The following CYP2D6 variants were observed in gnomAD, a reference collection of about 807,000 sequenced individuals.
The protein encoded by CYP2D6 is cytochrome P450 2D6.
A neutral mutation model predicts 43.5 loss-of-function variants in CYP2D6; 51 were observed. The observed-to-expected ratio is 1.17, with a 90% CI of 0.94 to 1.48. The LOEUF (loss-of-function observed/expected upper bound fraction) is 1.48, where lower values mean the gene tolerates loss of function less well. Ranked by LOEUF, CYP2D6 falls within the 40% of genes most tolerant of loss-of-function variation. The pLI, the probability that CYP2D6 is intolerant of heterozygous loss-of-function variation, is 0.00. For missense variants in CYP2D6, 698 were observed against 688.0 expected, an observed-to-expected ratio of 1.01 and a Z score of -0.16; for synonymous variants, 346 against 297.1, an observed-to-expected ratio of 1.16 and a Z score of -1.69.
At chr22:42,129,540 G>GC (rs1424870154) in intron 2 of CYP2D6, among the ~76,000 whole-genome samples, 198 bp downstream of exon 2, 2 of 151,504 alleles carry the variant, frequency 1.3e-5, no homozygotes, top group African/African-American at 4.9e-5. Flanking sequence ...CTCGGCAGTG[G>GC]CCCCGCCCAC....
rs2146930112 is a variant in CYP2D6, at chr22:42,127,166, C to T, written c.1174-174G>A. 1.3e-5 allele frequency among the ~76,000 whole-genome samples: 2 copies of T among 151,196 alleles called. 1 individual carries two copies. Among genetic ancestry groups the T allele is most frequent in the South Asian group, 4.2e-4 (2 of 4,770 alleles). On this transcript the variant is annotated intron_variant, in intron 7 of 8. Transcript: ENST00000645361. Reference sequence around the variant, plus strand: ...CCGACCCCACAGCAGGGCGCAGTCACACCTCTCAGAGGCACCCACACTGCC... The same window carrying T: ...CCGACCCCACAGCAGGGCGCAGTCATACCTCTCAGAGGCACCCACACTGCC...
rs267608292 is a variant in CYP2D6 at position 42,127,300 on chromosome 22, C to T, written c.1173+147G>A. 1.7e-4 allele frequency: 195 copies of T among 1,159,840 alleles called. 8 individuals are homozygous for T. In the African/African-American group the frequency reaches 2.9e-3, roughly 17 times the overall value. The allele number at this position is 1,159,840 out of a possible 1,614,324, so 71.8% of individuals were successfully genotyped here. The stretch of plus-strand genomic sequence containing the variant: ...AGGCCAGCCCTGCCTATACTCTGGA[C>T]CCCCCACCCAAGTGGGGACAGTCAG... On this transcript the variant is annotated intron_variant, in intron 7 of 8. Coordinates refer to ENST00000645361, the MANE Select transcript of CYP2D6 (RefSeq NM_000106.6).
chr22:42,127,820 ACTGTTTC>A lies in CYP2D6; in HGVS notation c.985+15_985+21del. 6.2e-7 allele frequency: 1 copy of A among 1,609,888 alleles called. No individual in the cohort carries two copies. Among genetic ancestry groups the A allele is most frequent in the African/African-American group, 1.3e-5 (1 of 74,324 alleles). ...GTACCCTTCCTCCCTCGGCCCCTGC[ACTGTTTC>A]CCAGATGGGCTCACGCTGCACATCC... On this transcript the variant is annotated intron_variant, in intron 6 of 8. Coordinates refer to ENST00000645361, the MANE Select transcript of CYP2D6 (RefSeq NM_000106.6).
intron 5 of CYP2D6, 42 bp downstream of exon 5, chr22:42,128,132 C>A (rs1470245509): frequency 6.3e-7 from 1 of 1,584,424 alleles, no homozygotes; most frequent in East Asian, 2.3e-5. Context: ...CTGGGACGCT[C>A]AACCCACCAC....
At position 42,127,608 on chromosome 22, in the gene CYP2D6, C is replaced by T. The variant is rs59421388; in HGVS notation, c.1012G>A (p.Val338Met). 4.7e-3 allele frequency: 7,560 copies of T among 1,611,318 alleles called. 366 individuals carry two copies. The African/African-American group carries it at 0.088, about 19-fold the overall frequency. The change falls in exon 7 of 9, where the codon GTG becomes ATG. Residue 338 changes from valine to methionine, a missense_variant. Around this residue, in one of 5 missense-constraint regions of CYP2D6, gnomAD observed 588 missense variants for 521.1 expected, o/e 1.13. Coordinates refer to ENST00000645361, the MANE Select transcript of CYP2D6 (RefSeq NM_000106.6). ...TCTGGTCGCCGCACCTGCCCTATCA[C>T]GTCGTCGATCTCCTGTTGGACACGG... ...QRRVQQEIDD[V>M]IGQVRRPEMG... is the part of the protein sequence containing the mutation.
chr22:42,129,895 G>A lies in CYP2D6; in HGVS notation c.195C>T (p.Phe65=), dbSNP rs750281572. ...PYCFDQLRRR[F]GDVFSLQLAW... ...CCAGCTGCAGGCTGAACACGTCCCC[G>A]AAGCGGCGCCGCAACTGCAGAGGGA... Residue 65 remains phenylalanine (F), a synonymous_variant, in exon 2 of 9, where the codon TTC becomes TTT. Coordinates refer to ENST00000645361, the MANE Select transcript of CYP2D6 (RefSeq NM_000106.6). The A allele has an allele frequency of 7.0e-6, 11 of 1,575,062 alleles. No homozygotes were observed. The highest frequency in any genetic ancestry group is 3.6e-5 in the Admixed American group (2 of 55,866).
Position 42,129,051 on chromosome 22 carries a change from C to T in CYP2D6, c.487G>A (p.Ala163Thr), listed in dbSNP as rs773593134. 9.3e-6 allele frequency: 15 copies of T among 1,607,346 alleles called. 1 individual carries two copies. The highest frequency in any genetic ancestry group is 1.7e-4 in the Middle Eastern group (1 of 6,002). Residue 163 changes from alanine to threonine, a missense_variant, in exon 3 of 9, where the codon GCC becomes ACC. Coordinates refer to ENST00000645361, the MANE Select transcript of CYP2D6 (RefSeq NM_000106.6). The stretch of plus-strand genomic sequence containing the variant: ...CACCCACCGGAGTGGTTGGCGAAGG[C>T]GGCACAAAGGCAGGCGGCCTCCTCG... ...VTEEAACLCA[A>T]FANHSGRPFR...
rs377220693 is a variant in CYP2D6 at position 42,128,148 on chromosome 22, C to T, written c.843+26G>A. 8.7e-5 allele frequency: 138 copies of T among 1,591,784 alleles called. 4 individuals carry two copies. The African/African-American group carries it at 1.7e-3, about 19-fold the overall frequency. ...TGGGACGCTCAACCCACCACCCTTG[C>T]CCCCCACCGTGGCAGCCACTCTCAC... On this transcript the variant is annotated intron_variant, in intron 5 of 8. Transcript: ENST00000645361.
In CYP2D6 at chr22:42,126,628, GAC is replaced by G. The variant is rs1234018474; in HGVS notation, c.1438_1439del (p.Val480LeufsTer11). ...TGQPRPSHHG[V>X]FAFLVSPSPY... is the part of the protein sequence containing the mutation. Reference sequence around the variant, plus strand: ...GGGATGGGCTCACCAGGAAAGCAAAGACACCATGGTGGCTGGGCCGGGGCTGT... The same window carrying G: ...GGGATGGGCTCACCAGGAAAGCAAAGACCATGGTGGCTGGGCCGGGGCTGT... On this transcript the variant is annotated frameshift_variant, in exon 9 of 9. Coordinates refer to ENST00000645361, the MANE Select transcript of CYP2D6 (RefSeq NM_000106.6). LOFTEE classifies it low-confidence loss of function (END_TRUNC). The G allele has an allele frequency of 6.2e-7, 1 of 1,609,046 alleles. No individual in the cohort carries two copies. Among genetic ancestry groups the G allele is most frequent in the African/African-American group, 1.3e-5 (1 of 74,086 alleles).
chr22:42,128,716 C>G, intron 4 of CYP2D6, 68 bp downstream of exon 4: 1 of 1,537,532 alleles, frequency 6.5e-7, no homozygotes, highest in Non-Finnish European at 8.9e-7. Context: ...TCTTCCGAGG[C>G]CCCAGTCCAG....
Position 42,127,655 on chromosome 22 carries a change from A to C in CYP2D6, c.986-21T>G, listed in dbSNP as rs1327496523. On this transcript the variant is annotated intron_variant, in intron 6 of 8. Coordinates refer to ENST00000645361, the MANE Select transcript of CYP2D6 (RefSeq NM_000106.6). ...ACGGCCTGGACAGACATGCGTCCCCACAATGGGTCAGCACCCAGGGGGTCC... is the reference window on the plus strand; with the variant it reads ...ACGGCCTGGACAGACATGCGTCCCCCCAATGGGTCAGCACCCAGGGGGTCC... 1.9e-6 allele frequency: 3 copies of C among 1,608,618 alleles called. 1 individual carries two copies. The highest frequency in any genetic ancestry group is 1.1e-5 in the South Asian group (1 of 90,806).
At chr22:42,128,421 G>C in intron 4 of CYP2D6, 71 bp from the exon 5 acceptor site, 2 of 1,555,368 alleles carry the variant, frequency 1.3e-6, no homozygotes, top group African/African-American at 1.4e-5. Flanking sequence ...TCAGGCCCCA[G>C]CCATCTCCAG....
Position 42,128,881 on chromosome 22 carries a change from G to A in CYP2D6, c.569C>T (p.Thr190Ile), listed in dbSNP as rs769576546. Residue 190 changes from threonine to isoleucine, a missense_variant, in exon 4 of 9, where the codon ACC becomes ATC. By Grantham distance (89) the Thr-to-Ile change is moderately conservative. Around this residue, in one of 5 missense-constraint regions of CYP2D6, gnomAD observed 588 missense variants for 521.1 expected, o/e 1.13. Coordinates refer to ENST00000645361, the MANE Select transcript of CYP2D6 (RefSeq NM_000106.6). ...GTCGTACTCGAAGCGGCGCCCGCAG[G>A]TGAGGGAGGCGATCACGTTGCTCAC... ...KAVSNVIASL[T>I]CGRRFEYDDP... 2.5e-6 allele frequency: 4 copies of A among 1,599,448 alleles called. No homozygotes were observed. The highest frequency in any genetic ancestry group is 1.1e-5 in the South Asian group (1 of 88,916).
chr22:42,128,147 G>T, intron 5 of CYP2D6, 27 bp downstream of exon 5: 1 of 1,590,688 alleles, frequency 6.3e-7, no homozygotes, highest in South Asian at 1.1e-5. Context: ...CACCACCCTT[G>T]CCCCCCACCG....
chr22:42,127,311 A>G (rs1263662102), intron 7 of CYP2D6, 136 bp downstream of exon 7: 2 of 1,201,408 alleles, frequency 1.7e-6, no homozygotes, highest in Admixed American at 2.0e-5. Context: ...CCCCCACCCA[A>G]GTGGGGACAG....
rs758618555 is a variant in CYP2D6 at position 42,128,819 on chromosome 22, C to T, written c.631G>A (p.Glu211Lys). The change falls in exon 4 of 9, where the codon GAG becomes AAG. Residue 211 changes from glutamate to lysine, a missense_variant. Around this residue, in one of 5 missense-constraint regions of CYP2D6, gnomAD observed 588 missense variants for 521.1 expected, o/e 1.13. Coordinates refer to ENST00000645361, the MANE Select transcript of CYP2D6 (RefSeq NM_000106.6). ...AAGCCCGACTCCTCCTTCAGTCCCTCCTGAGCTAGGTCCAGCAGCCTGAGG... is the reference window on the plus strand; with the variant it reads ...AAGCCCGACTCCTCCTTCAGTCCCTTCTGAGCTAGGTCCAGCAGCCTGAGG... ...RFLRLLDLAQ[E>K]GLKEESGFLR... The T allele has an allele frequency of 4.4e-6, 7 of 1,606,162 alleles. No individual in the cohort carries two copies. The highest frequency in any genetic ancestry group is 1.1e-5 in the South Asian group (1 of 90,254).
rs745756780 is a variant in CYP2D6 at position 42,129,211 on chromosome 22, G to A, written c.353-26C>T. The stretch of plus-strand genomic sequence containing the variant: ...CTGGGGGTGGGACGGGCACGTGCGC[G>A]TGGCCATGAAGGCATTAGCCCCACC... On this transcript the variant is annotated intron_variant, in intron 2 of 8. Coordinates refer to ENST00000645361, the MANE Select transcript of CYP2D6 (RefSeq NM_000106.6). The A allele has an allele frequency of 1.6e-5, 25 of 1,597,596 alleles. 1 individual carries two copies. The highest frequency in any genetic ancestry group is 1.4e-5 in the Non-Finnish European group (17 of 1,177,018).
rs748572154 is a variant in CYP2D6, at chr22:42,127,916, G to A, written c.911C>T (p.Ser304Phe). The A allele has an allele frequency of 2.5e-5, 41 of 1,610,280 alleles. 1 individual carries two copies. The East Asian group carries it at 2.7e-4, about 11-fold the overall frequency. ...NLRIVVADLF[S>F]AGMVTTSTTL... ...GGTCGAGGTGGTCACCATCCCGGCA[G>A]AGAACAGGTCAGCCACCACTATGCG... Residue 304 changes from serine to phenylalanine, a missense_variant, in exon 6 of 9, where the codon TCT becomes TTT. Around this residue, in one of 5 missense-constraint regions of CYP2D6, gnomAD observed 588 missense variants for 521.1 expected, o/e 1.13. Transcript: ENST00000645361.
chr22:42,130,641 A>G lies in CYP2D6; in HGVS notation c.151T>C (p.Phe51Leu), dbSNP rs2146943891. ...PGLGNLLHVDFQNTPYCFDQL... is the reference protein window; with the variant it reads ...PGLGNLLHVDLQNTPYCFDQL... The stretch of plus-strand genomic sequence containing the variant: ...TCGAAGCAGTATGGTGTGTTCTGGA[A>G]GTCCACATGCAGCAGGTTGCCCAGC... The change falls in exon 1 of 9, where the codon TTC becomes CTC. Residue 51 changes from phenylalanine (F) to leucine (L), a missense_variant. Physicochemically the swap from Phe to Leu is conservative, Grantham distance 22. Around this residue, in one of 5 missense-constraint regions of CYP2D6, gnomAD observed 588 missense variants for 521.1 expected, o/e 1.13. Coordinates refer to ENST00000645361, the MANE Select transcript of CYP2D6 (RefSeq NM_000106.6). 3 of 1,607,936 alleles carry G rather than the reference A, an allele frequency of 1.9e-6. No individual in the cohort carries two copies. Among genetic ancestry groups the G allele is most frequent in the South Asian group, 2.2e-5 (2 of 90,456 alleles).
Sources: gnomAD v4.1 joint callset for allele counts (sites outside exome capture counted in the v4.1 genomes callset) on GRCh38, gnomAD v4.1.1 for gene constraint, gnomAD v4.1.1 regional missense constraint, MANE v1.5 for transcripts, NCBI Gene and HGNC (gene_info 2026-07-23, HGNC 2026-07-21) for gene names.